ASIC2: variants seen among roughly 807,000 people sequenced by gnomAD.
ASIC2 encodes acid sensing ion channel subunit 2.
Under a neutral mutation model 57.3 loss-of-function variants are expected in ASIC2, and 25 were observed. That is an observed-to-expected ratio of 0.44 (90% CI 0.32 to 0.61). ASIC2 has a LOEUF of 0.61. Ranked by LOEUF, ASIC2 falls within the 20% of genes least tolerant of loss-of-function variation. ASIC2 has a pLI of 0.06. For missense variants in ASIC2, 641 were observed against 738.1 expected, an observed-to-expected ratio of 0.87 and a Z score of 1.52; for synonymous variants, 319 against 307.5, an observed-to-expected ratio of 1.04 and a Z score of -0.39.
intron 1 of ASIC2, among the ~76,000 whole-genome samples, chr17:33,423,271 A>G (rs1350481911): frequency 1.3e-5 from 2 of 152,200 alleles, no homozygotes; most frequent in Non-Finnish European, 2.9e-5. Context: ...ACATGCAACT[A>G]GAATTGAGAA....
intron 1 of ASIC2, among the ~76,000 whole-genome samples, chr17:33,125,483 G>A (rs1366142824): frequency 6.6e-6 from 1 of 152,152 alleles, no homozygotes; most frequent in Non-Finnish European, 1.5e-5. Context: ...GATGATTAGA[G>A]GCTTTCACAA....
chr17:33,030,062 C>T (rs1169383149), intron 3 of ASIC2, among the ~76,000 whole-genome samples: 5 of 151,966 alleles, frequency 3.3e-5, no homozygotes, highest in Admixed American at 2.0e-4. Flanking sequence ...TTGTCCATAC[C>T]ACCTATAGTC....
intron 1 of ASIC2, among the ~76,000 whole-genome samples, chr17:33,530,415 G>C (rs376101104): frequency 6.6e-6 from 1 of 152,378 alleles, no homozygotes; most frequent in Non-Finnish European, 1.5e-5. Context: ...CCCTTTGTCT[G>C]TTATGCCCCA....
At chr17:33,199,066 T>G (rs1395877725) in intron 1 of ASIC2, among the ~76,000 whole-genome samples, 1 of 152,244 alleles carries the variant, frequency 6.6e-6, no homozygotes, top group African/African-American at 2.4e-5. Context: ...ATAAGTCTGT[T>G]AACGAATACC....
intron 1 of ASIC2, chr17:33,569,504 G>A (rs1279619193): frequency 6.6e-6 from 1 of 152,320 alleles, no homozygotes; most frequent in Non-Finnish European, 1.5e-5. Flanking sequence ...CAGGGAGTGA[G>A]GCAGTGGAGG....
intron 1 of ASIC2, among the ~76,000 whole-genome samples, chr17:34,104,020 T>C (rs905884292): frequency 6.6e-6 from 1 of 152,206 alleles, no homozygotes; most frequent in Admixed American, 6.5e-5. Context: ...ATTTGAATCA[T>C]GTCGAGCTAT....
At chr17:33,200,419 C>A (rs1906812732) in intron 1 of ASIC2, among the ~76,000 whole-genome samples, 1 of 152,176 alleles carries the variant, frequency 6.6e-6, no homozygotes, top group African/African-American at 2.4e-5. Context: ...CACAGACACC[C>A]AACTGCCCAC....
At chr17:34,155,591 GCACACA>G (rs930683485) in intron 1 of ASIC2, 6 of 204,140 alleles carry the variant, frequency 2.9e-5, no homozygotes, top group East Asian at 2.9e-4. Context: ...ACACGCACAC[GCACACA>G]CACACAGAAT....
chr17:34,034,785 C>T (rs949383882), intron 1 of ASIC2, among the ~76,000 whole-genome samples: 9 of 152,066 alleles, frequency 5.9e-5, no homozygotes, highest in African/African-American at 2.2e-4. Flanking sequence ...GAATAAAATA[C>T]CTAGGAATCC....
intron 1 of ASIC2, among the ~76,000 whole-genome samples, chr17:33,262,700 G>T (rs954563395): frequency 1.3e-5 from 2 of 152,146 alleles, no homozygotes; most frequent in Non-Finnish European, 2.9e-5. Context: ...GTGACAGATG[G>T]TTCTTATCCT....
At chr17:33,449,255 C>T (rs559255913) in intron 1 of ASIC2, among the ~76,000 whole-genome samples, 1 of 152,144 alleles carries the variant, frequency 6.6e-6, no homozygotes, top group South Asian at 2.1e-4. Context: ...TCATCATTAT[C>T]TCCCCAGAAC....
chr17:33,472,209 G>A (rs780606257), intron 1 of ASIC2, among the ~76,000 whole-genome samples: 2 of 151,934 alleles, frequency 1.3e-5, no homozygotes, highest in African/African-American at 4.8e-5. Flanking sequence ...TAGTAGAGAT[G>A]GGGTTTCATC....
chr17:33,266,477 G>C (rs572311906), intron 1 of ASIC2, among the ~76,000 whole-genome samples: 96 of 152,218 alleles, frequency 6.3e-4, no homozygotes, highest in African/African-American at 2.3e-3. Context: ...CCTGCATTTA[G>C]TTTAAAAAAG....
intron 1 of ASIC2, among the ~76,000 whole-genome samples, chr17:33,565,090 A>G (rs1916193428): frequency 6.6e-6 from 1 of 152,048 alleles, no homozygotes; most frequent in African/African-American, 2.4e-5. Flanking sequence ...ACACCTCTGT[A>G]TTTCTTAATT....
chr17:33,124,107 A>T (rs1485960289), intron 1 of ASIC2, among the ~76,000 whole-genome samples: 2 of 152,204 alleles, frequency 1.3e-5, no homozygotes, highest in Non-Finnish European at 2.9e-5. Flanking sequence ...TGGCACTAAA[A>T]TCCTCATACC....
intron 1 of ASIC2, among the ~76,000 whole-genome samples, chr17:34,055,439 A>G (rs1428390746): frequency 6.6e-6 from 1 of 151,978 alleles, no homozygotes; most frequent in East Asian, 1.9e-4. Context: ...TTGAGGTAAA[A>G]TTTACTTACA....
At chr17:33,928,497 G>T (rs997602835) in intron 1 of ASIC2, among the ~76,000 whole-genome samples, 2 of 152,108 alleles carry the variant, frequency 1.3e-5, no homozygotes, top group African/African-American at 4.8e-5. Flanking sequence ...CCCACTCTTT[G>T]GTTGGACTAG....
At chr17:33,153,877 G>A (rs535818786) in intron 1 of ASIC2, among the ~76,000 whole-genome samples, 2 of 152,254 alleles carry the variant, frequency 1.3e-5, no homozygotes, top group South Asian at 2.1e-4. Context: ...GCCCAACTTG[G>A]GTTAGCTCTG....
intron 1 of ASIC2, among the ~76,000 whole-genome samples, chr17:33,205,647 G>A (rs536907701): frequency 4.6e-5 from 7 of 152,330 alleles, no homozygotes; most frequent in African/African-American, 1.4e-4. Flanking sequence ...GGAGTTCCTT[G>A]AACCTGGCAA....
Sources: allele counts gnomAD v4.1 joint callset (sites outside exome capture counted in the v4.1 genomes callset), GRCh38; gene constraint gnomAD v4.1.1; transcripts MANE v1.5; gene names NCBI Gene and HGNC (gene_info 2026-07-23, HGNC 2026-07-21).